Variants in SCG3 observed in about 807,000 individuals in gnomAD.
SCG3 encodes secretogranin-3.
SCG3 carries 38 observed loss-of-function variants against 56.2 expected under a neutral mutation model. That is an observed-to-expected ratio of 0.68 (90% confidence interval 0.52 to 0.89). SCG3 has a LOEUF of 0.89. SCG3 is among the 40% of genes least tolerant of loss of function. SCG3 has a pLI of 0.00. For missense variants in SCG3, 524 were observed against 540.7 expected (o/e 0.97, Z 0.31); for synonymous variants, 176 against 184.2 (o/e 0.96, Z 0.36).
At chr15:51,687,958 G>A (rs1183136841) in intron 4 of SCG3, among the ~76,000 whole-genome samples, 1 of 152,128 alleles carries the variant, frequency 6.6e-6, no homozygotes, top group African/African-American at 2.4e-5. Flanking sequence ...TTAATAAAAA[G>A]TATAATATGG....
At chr15:51,710,964 G>T (rs2055417026) in intron 10 of SCG3, among the ~76,000 whole-genome samples, 1 of 152,104 alleles carries the variant, frequency 6.6e-6, no homozygotes, top group African/African-American at 2.4e-5. Flanking sequence ...AGGATTTGAG[G>T]TGAAGTAGCT....
chr15:51,698,457 C>T (rs2055318278), intron 8 of SCG3, among the ~76,000 whole-genome samples: 1 of 152,160 alleles, frequency 6.6e-6, no homozygotes, highest in South Asian at 2.1e-4. Context: ...GGAAATGCTC[C>T]TTAATATAAG....
Position 51,701,205 on chromosome 15 carries a change from GAT to G in SCG3, c.1170_1171del (p.Asp390GlufsTer10). On this transcript the variant is annotated frameshift_variant, in exon 10 of 12. Coordinates refer to ENST00000220478, the MANE Select transcript of SCG3 (RefSeq NM_013243.4). LOFTEE classifies it high-confidence loss of function. ...YGSLKDSTKD[D>X]NSNPGGKTDE... ...AAGCTTGAAGGATTCCACAAAAGAT[GAT>G]AACTCCAACCCAGGAGGAAAGACAG... 1.9e-6 allele frequency: 3 copies of G among 1,611,664 alleles called. No individual in the cohort carries two copies. The highest frequency in any genetic ancestry group is 1.7e-6 in the Non-Finnish European group (2 of 1,179,076).
intron 11 of SCG3, among the ~76,000 whole-genome samples, chr15:51,717,294 G>A (rs545721638): frequency 6.6e-6 from 1 of 152,076 alleles, no homozygotes; most frequent in African/African-American, 2.4e-5. Flanking sequence ...CGTGAACCCG[G>A]GAGGTGGAGC....
At chr15:51,694,126 T>C (rs529543889) in intron 7 of SCG3, among the ~76,000 whole-genome samples, 106 of 152,194 alleles carry the variant, frequency 7.0e-4, no homozygotes, top group Non-Finnish European at 1.2e-3. Context: ...TTTCTTATTG[T>C]CTTTATTTTT....
At chr15:51,684,253 A>T (rs1567215352) in intron 4 of SCG3, among the ~76,000 whole-genome samples, 1 of 152,126 alleles carries the variant, frequency 6.6e-6, no homozygotes, top group Admixed American at 6.5e-5. Flanking sequence ...CCAAGCTCCA[A>T]TTATGTCTCA....
chr15:51,701,047 T>G, intron 9 of SCG3, 60 bp from the exon 10 acceptor site: 1 of 1,592,890 alleles, frequency 6.3e-7, no homozygotes, highest in East Asian at 2.2e-5. Context: ...ATTTCTACTT[T>G]AGGAACCAAT....
chr15:51,708,198 T>C (rs1445460513), intron 10 of SCG3: 1 of 151,988 alleles, frequency 6.6e-6, no homozygotes. Flanking sequence ...AGGGAGAAAA[T>C]AGTCCAGCTT....
chr15:51,698,794 AAG>A lies in SCG3; in HGVS notation c.986-520_986-519del, dbSNP rs59787241. On this transcript the variant is annotated intron_variant, in intron 8 of 11. Coordinates refer to ENST00000220478, the MANE Select transcript of SCG3 (RefSeq NM_013243.4). ...CTCACAGCACATCAATCCCAGTGGAAAGAGAGCCTCTTTCTACCAGTGGTCCT... is the reference window on the plus strand; with the variant it reads ...CTCACAGCACATCAATCCCAGTGGAAAGAGCCTCTTTCTACCAGTGGTCCT... Among the ~76,000 whole-genome samples the A allele has an allele frequency of 9.2e-3, 1,398 of 152,298 alleles. 24 individuals carry two copies. The highest frequency in any genetic ancestry group is 0.032 in the African/African-American group (1,317 of 41,554).
chr15:51,687,616 G>A (rs716986), intron 4 of SCG3, among the ~76,000 whole-genome samples: 124,154 of 152,248 alleles, frequency 0.82, 50,962 homozygotes, highest in East Asian at 0.99. Context: ...TTTAAATTCC[G>A]GGCACATAAA....
At chr15:51,715,425 C>T (rs558211959) in intron 11 of SCG3, among the ~76,000 whole-genome samples, 1 of 152,186 alleles carries the variant, frequency 6.6e-6, no homozygotes, top group Non-Finnish European at 1.5e-5. Context: ...ACTATTAGTT[C>T]TGACCTTTCT....
intron 11 of SCG3, among the ~76,000 whole-genome samples, chr15:51,714,995 T>C (rs1014578702): frequency 2.6e-5 from 4 of 152,248 alleles, no homozygotes; most frequent in Non-Finnish European, 4.4e-5. Flanking sequence ...AATGTTCATC[T>C]TAGAATCACT....
At chr15:51,702,802 G>A (rs888407030) in intron 10 of SCG3, among the ~76,000 whole-genome samples, 1 of 152,024 alleles carries the variant, frequency 6.6e-6, no homozygotes, top group African/African-American at 2.4e-5. Context: ...GTGAACAAAC[G>A]GTTTGAACCT....
At chr15:51,683,813 C>A (rs1447591190) in intron 4 of SCG3, among the ~76,000 whole-genome samples, 2 of 152,182 alleles carry the variant, frequency 1.3e-5, no homozygotes, top group Non-Finnish European at 2.9e-5. Context: ...GAAATATCCA[C>A]TATTTCCTTT....
Position 51,719,429 on chromosome 15 carries a change from G to A in SCG3, c.1310G>A (p.Arg437Lys), listed in dbSNP as rs1274245500. 1 of 1,613,500 alleles carries A rather than the reference G, an allele frequency of 6.2e-7. No homozygotes were observed. Among genetic ancestry groups the A allele is most frequent in the East Asian group, 2.2e-5 (1 of 44,872 alleles). ...NKEDYDLSKM[R>K]DFINKQADAY... ...CCAGATTATGACCTTTCAAAGATGA[G>A]AGACTTCATCAATAAACAAGCTGAT... is the stretch of plus-strand genomic sequence containing the variant. Residue 437 changes from arginine (R) to lysine (K), a missense_variant, in exon 12 of 12, where the codon AGA becomes AAA. Coordinates refer to ENST00000220478, the MANE Select transcript of SCG3 (RefSeq NM_013243.4).
intron 7 of SCG3, 28 bp downstream of exon 7, chr15:51,692,364 G>A: frequency 6.3e-7 from 1 of 1,585,348 alleles, no homozygotes; most frequent in Non-Finnish European, 8.6e-7. Context: ...GTGATTATGT[G>A]GAACAGAAAG....
chr15:51,708,932 A>C (rs985605086), intron 10 of SCG3, among the ~76,000 whole-genome samples: 1 of 152,088 alleles, frequency 6.6e-6, no homozygotes, highest in Non-Finnish European at 1.5e-5. Context: ...TCTAGTCTAA[A>C]AGGTGAATTT....
At chr15:51,690,347 G>A (rs2055258632) in intron 6 of SCG3, among the ~76,000 whole-genome samples, 1 of 152,030 alleles carries the variant, frequency 6.6e-6, no homozygotes, top group Non-Finnish European at 1.5e-5. Flanking sequence ...TAAAACTTTA[G>A]ATGAAACTGA....
intron 6 of SCG3, 43 bp downstream of exon 6, chr15:51,689,411 G>A (rs1055957720): frequency 1.3e-5 from 20 of 1,515,420 alleles, no homozygotes; most frequent in Non-Finnish European, 1.8e-5. Context: ...GTGTGTGTGT[G>A]TGTGTGTGTG....
Sources: gnomAD v4.1 joint callset for allele counts (sites outside exome capture counted in the v4.1 genomes callset) on GRCh38, gnomAD v4.1.1 for gene constraint, MANE v1.5 for transcripts, NCBI Gene and HGNC (gene_info 2026-07-23, HGNC 2026-07-21) for gene names.